The following ANKS6 variants were observed in gnomAD, a reference collection of about 807,000 sequenced individuals.
ANKS6 encodes the protein ankyrin repeat and SAM domain-containing protein 6.
Under a neutral mutation model 77.9 loss-of-function variants are expected in ANKS6, and 47 were observed. That is an observed-to-expected ratio of 0.60 (90% CI 0.48 to 0.77). ANKS6 has a LOEUF of 0.77. Among genes scored for constraint, ANKS6 ranks in the 30% least tolerant of loss-of-function variants. The pLI, the probability that ANKS6 is intolerant of heterozygous loss-of-function variation, is 0.00. For synonymous variants in ANKS6, 488 were observed against 501.7 expected, an observed-to-expected ratio of 0.97 and a Z score of 0.37; for missense variants, 1,150 against 1,159.1, an observed-to-expected ratio of 0.99 and a Z score of 0.11.
chr9:98,734,321 A>G lies in ANKS6; in HGVS notation c.*2198T>C, dbSNP rs1460600085. 2.0e-6 allele frequency: 2 copies of G among 985,334 alleles called. No individual in the cohort carries two copies. Among genetic ancestry groups the G allele is most frequent in the Non-Finnish European group, 2.4e-6 (2 of 829,976 alleles). 61.0% of individuals were successfully genotyped at this position (985,334 alleles called of 1,614,324 possible). ...ATCCAATGAGTTCATGGAGGTCTAC[A>G]TTTGTGAAAAGGTGACCCCCCGGTG... On this transcript the variant is annotated 3_prime_UTR_variant, in exon 15 of 15. Transcript: ENST00000353234.
intron 14 of ANKS6, among the ~76,000 whole-genome samples, chr9:98,738,852 C>T (rs574881302): frequency 7.2e-5 from 11 of 152,274 alleles, no homozygotes; most frequent in African/African-American, 2.6e-4. Flanking sequence ...ACCCAAATGC[C>T]CACCAATCAT....
Position 98,790,315 on chromosome 9 carries a change from G to C in ANKS6, c.651C>G (p.Pro217=), listed in dbSNP as rs1283696769. The C allele has an allele frequency of 1.9e-6, 3 of 1,607,814 alleles. No homozygotes were observed. The African/African-American group carries it at 4.0e-5, about 21-fold the overall frequency. Residue 217 remains proline, a synonymous_variant, in exon 2 of 15, where the codon CCC becomes CCG. Transcript: ENST00000353234. The part of the protein sequence containing the change: ...VRLLMEWGAD[P]NHAARTVGWS... ...AGCCCACGGTCCGGGCTGCGTGGTTGGGGTCCGCGCCCCACTCCATCAGTA... is the reference window on the plus strand; with the variant it reads ...AGCCCACGGTCCGGGCTGCGTGGTTCGGGTCCGCGCCCCACTCCATCAGTA...
chr9:98,768,319 T>C, intron 10 of ANKS6, 69 bp from the exon 11 acceptor site: 1 of 1,573,758 alleles, frequency 6.4e-7, no homozygotes, highest in East Asian at 2.2e-5. Context: ...GGTGGTGGAC[T>C]GTCGTGTGAT....
Position 98,790,278 on chromosome 9 carries a change from T to A in ANKS6, c.688A>T (p.Met230Leu). 2 of 1,603,920 alleles carry A rather than the reference T, an allele frequency of 1.2e-6. No homozygotes were observed. The highest frequency in any genetic ancestry group is 1.7e-6 in the Non-Finnish European group (2 of 1,173,302). Residue 230 changes from methionine (M) to leucine (L), a missense_variant, in exon 2 of 15, where the codon ATG (methionine) becomes TTG (leucine). Met to Leu is a conservative substitution (Grantham distance 15, BLOSUM62 2). Coordinates refer to ENST00000353234, the MANE Select transcript of ANKS6 (RefSeq NM_173551.5). ...AGCCGCCCAGTGAGTGCGGCCAGCA[T>A]CAGCGGGCTCCAGCCCACGGTCCGG... is the stretch of plus-strand genomic sequence containing the variant. Reference protein sequence around the residue: ...AARTVGWSPLMLAALTGRLGV... With the variant: ...AARTVGWSPLLLAALTGRLGV...
chr9:98,763,621 TA>T (rs1231457517), intron 11 of ANKS6, among the ~76,000 whole-genome samples: 38 of 151,596 alleles, frequency 2.5e-4, no homozygotes, highest in African/African-American at 8.7e-4. Flanking sequence ...GGAAAGAAAT[TA>T]TAGATAAGAG....
At position 98,733,671 on chromosome 9, in the gene ANKS6, G is replaced by A; in HGVS notation, c.*2848C>T. ...TGGAGAAGTGATGAGAGTAATGTGG[G>A]AGATGCTATGAGTTTCTTGGCCCTG... On this transcript the variant is annotated 3_prime_UTR_variant, in exon 15 of 15. Coordinates refer to ENST00000353234, the MANE Select transcript of ANKS6 (RefSeq NM_173551.5). The A allele has an allele frequency of 1.0e-6, 1 of 985,452 alleles. No individual in the cohort carries two copies. The highest frequency in any genetic ancestry group is 1.2e-6 in the Non-Finnish European group (1 of 829,946). The allele number at this position is 985,452 out of a possible 1,614,324, so 61.0% of individuals were successfully genotyped here.
chr9:98,794,776 C>G (rs928609675), intron 1 of ANKS6, among the ~76,000 whole-genome samples: 1 of 152,282 alleles, frequency 6.6e-6, no homozygotes. Flanking sequence ...ACACACATAA[C>G]ACATCAGTGG....
chr9:98,770,642 T>C (rs1171760984), intron 10 of ANKS6, among the ~76,000 whole-genome samples: 3 of 152,046 alleles, frequency 2.0e-5, no homozygotes, highest in Non-Finnish European at 4.4e-5. Context: ...CTTAATCTCT[T>C]GTAAAATTTT....
At chr9:98,745,253 T>C (rs1832058269) in intron 14 of ANKS6, among the ~76,000 whole-genome samples, 1 of 152,160 alleles carries the variant, frequency 6.6e-6, no homozygotes, top group South Asian at 2.1e-4. Flanking sequence ...GTGAAGGAGC[T>C]GGGATTCAAA....
rs772703288 is a variant in ANKS6, at chr9:98,782,520, C to A, written c.1166G>T (p.Arg389Leu). ...LLNQGADVTL[R>L]AKNGYTAFDL... ...AAAGGCCGTGTATCCATTTTTTGCA[C>A]GAAGAGTGACATCGGCCCCTTGGTT... Residue 389 changes from arginine (R) to leucine (L), a missense_variant, in exon 5 of 15, where the codon CGT (arginine) becomes CTT (leucine). Coordinates refer to ENST00000353234, the MANE Select transcript of ANKS6 (RefSeq NM_173551.5). The A allele has an allele frequency of 6.2e-7, 1 of 1,614,100 alleles. No homozygotes were observed. The highest frequency in any genetic ancestry group is 1.1e-5 in the South Asian group (1 of 91,072).
At chr9:98,782,594 T>C (rs1345188000) in intron 4 of ANKS6, 21 bp from the exon 5 acceptor site, 3 of 1,597,044 alleles carry the variant, frequency 1.9e-6, no homozygotes, top group Non-Finnish European at 2.6e-6. Context: ...ATGCTAGAGT[T>C]ACATTCACTG....
chr9:98,783,152 G>A (rs1834374130), intron 4 of ANKS6, among the ~76,000 whole-genome samples: 1 of 151,468 alleles, frequency 6.6e-6, no homozygotes, highest in Non-Finnish European at 1.5e-5. Flanking sequence ...GAGGGGAGAG[G>A]AGACAAAACC....
rs150567578 is a variant in ANKS6 at position 98,778,268 on chromosome 9, G to A, written c.1525C>T (p.Arg509Cys). 13 of 1,614,186 alleles carry A rather than the reference G, an allele frequency of 8.1e-6. No individual in the cohort carries two copies. Among genetic ancestry groups the A allele is most frequent in the Admixed American group, 5.0e-5 (3 of 60,036 alleles). Reference sequence around the variant, plus strand: ...GGGGCCGCATCAGGGAGTGCAGAGCGGCTTGTCTTGTCCTGGGGGGCAGCC... The same window carrying A: ...GGGGCCGCATCAGGGAGTGCAGAGCAGCTTGTCTTGTCCTGGGGGGCAGCC... ...MRAAPQDKTS[R>C]SALPDAAPVT... Residue 509 changes from arginine (R) to cysteine (C), a missense_variant, in exon 7 of 15, where the codon CGC becomes TGC. By Grantham distance (180) the Arg-to-Cys change is radical. Coordinates refer to ENST00000353234, the MANE Select transcript of ANKS6 (RefSeq NM_173551.5).
chr9:98,796,531 G>A lies in ANKS6; in HGVS notation c.-40C>T, dbSNP rs1265693916. On this transcript the variant is annotated 5_prime_UTR_variant, in exon 1 of 15. Coordinates refer to ENST00000353234, the MANE Select transcript of ANKS6 (RefSeq NM_173551.5). ...GCGGCCCGCTCCCGTCCGCCCCGCC[G>A]GCCGCGTCGGCTCCGCCCCCGGATA... 24 of 975,880 alleles carry A rather than the reference G, an allele frequency of 2.5e-5. No homozygotes were observed. The Admixed American group carries it at 1.2e-3, about 48-fold the overall frequency. The allele number at this position is 975,880 out of a possible 1,614,324, so 60.5% of individuals were successfully genotyped here.
Position 98,734,266 on chromosome 9 carries a change from AATG to A in ANKS6, c.*2250_*2252del, listed in dbSNP as rs1831366988. On this transcript the variant is annotated 3_prime_UTR_variant, in exon 15 of 15. Transcript: ENST00000353234. ...GGAGCCTCTGCTGTCCTGTCTGCAA[AATG>A]GGAATAGCCCCGCTCTGTCCAGGGT... 4 of 985,364 alleles carry A rather than the reference AATG, an allele frequency of 4.1e-6. No individual in the cohort carries two copies. The highest frequency in any genetic ancestry group is 4.8e-6 in the Non-Finnish European group (4 of 830,002). 61.0% of individuals were successfully genotyped at this position (985,364 alleles called of 1,614,324 possible).
intron 4 of ANKS6, 109 bp downstream of exon 4, chr9:98,783,844 T>G: frequency 3.4e-6 from 3 of 889,540 alleles, no homozygotes; most frequent in Non-Finnish European, 4.6e-6. Flanking sequence ...GTCATAGTCC[T>G]GGGGTTTGTA....
intron 14 of ANKS6, among the ~76,000 whole-genome samples, chr9:98,742,932 G>C (rs937896841): frequency 6.6e-6 from 1 of 152,192 alleles, no homozygotes; most frequent in African/African-American, 2.4e-5. Context: ...CCATCGGGAT[G>C]GGCTCAAGAT....
chr9:98,770,511 A>T (rs918193913), intron 10 of ANKS6, among the ~76,000 whole-genome samples: 1 of 152,166 alleles, frequency 6.6e-6, no homozygotes, highest in Admixed American at 6.5e-5. Context: ...TGTGACCCTA[A>T]GCAAATCTCT....
At position 98,758,665 on chromosome 9, in the gene ANKS6, C is replaced by T. The variant is rs141971458; in HGVS notation, c.2143-2062G>A. Among the ~76,000 whole-genome samples the T allele has an allele frequency of 3.1e-3, 479 of 152,348 alleles. 3 individuals are homozygous for T. The highest frequency in any genetic ancestry group is 0.011 in the African/African-American group (464 of 41,576). On this transcript the variant is annotated intron_variant, in intron 11 of 14. Transcript: ENST00000353234. ...CTCTGTGTATTTAAAAGCATGCACTCATACTGATTCATACCGATACCTCTG... is the reference window on the plus strand; with the variant it reads ...CTCTGTGTATTTAAAAGCATGCACTTATACTGATTCATACCGATACCTCTG...
Sources: allele counts gnomAD v4.1 joint callset (sites outside exome capture counted in the v4.1 genomes callset), GRCh38; gene constraint gnomAD v4.1.1; transcripts MANE v1.5; gene names NCBI Gene and HGNC (gene_info 2026-07-23, HGNC 2026-07-21).